Variants in MCM3AP observed in about 807,000 individuals in gnomAD.
The protein encoded by MCM3AP is germinal-center associated nuclear protein.
Under a neutral mutation model 184.1 loss-of-function variants are expected in MCM3AP, and 126 were observed. That is an observed-to-expected ratio of 0.68 (90% confidence interval 0.59 to 0.79). The LOEUF is 0.79. Among genes scored for constraint, MCM3AP ranks in the 30% least tolerant of loss-of-function variants. MCM3AP has a pLI of 0.00. For missense variants in MCM3AP, 2,496 were observed against 2,479.2 expected (o/e 1.01, Z -0.14); for synonymous variants, 1,002 against 979.3 (o/e 1.02, Z -0.43).
chr21:46,267,200 A>T (rs2081124597), intron 9 of MCM3AP, 58 bp from the exon 10 acceptor site: 3 of 1,541,590 alleles, frequency 1.9e-6, no homozygotes, highest in Non-Finnish European at 2.6e-6. Flanking sequence ...AGACACATGC[A>T]GTCAGCCCAT....
intron 17 of MCM3AP, 123 bp downstream of exon 17, chr21:46,256,666 A>G (rs904200036): frequency 1.1e-5 from 14 of 1,229,894 alleles, no homozygotes; most frequent in African/African-American, 1.5e-5. Flanking sequence ...TCCAGGCTTC[A>G]CCTATCTTCG....
chr21:46,270,614 A>C (rs769977413), intron 8 of MCM3AP, 51 bp from the exon 9 acceptor site: 1 of 1,451,654 alleles, frequency 6.9e-7, no homozygotes, highest in Non-Finnish European at 9.4e-7. Flanking sequence ...TAAATAAGAC[A>C]AAATTTTCAT....
At position 46,283,071 on chromosome 21, in the gene MCM3AP, G is replaced by A. The variant is rs370235846; in HGVS notation, c.1443+544C>T. 5.3e-5 allele frequency among the ~76,000 whole-genome samples: 8 copies of A among 151,820 alleles called. No homozygotes were observed. The East Asian group carries it at 7.9e-4, about 15-fold the overall frequency. ...CTCCCGAGTAGCTGAGATGACAGGC[G>A]CGAGCCACCACACCCAGCTAATTTT... is the stretch of plus-strand genomic sequence containing the variant. On this transcript the variant is annotated intron_variant, in intron 2 of 27. Coordinates refer to ENST00000291688, the MANE Select transcript of MCM3AP (RefSeq NM_003906.5).
At chr21:46,235,956 G>A (rs541564818) in intron 27 of MCM3AP, among the ~76,000 whole-genome samples, 3 of 152,174 alleles carry the variant, frequency 2.0e-5, no homozygotes, top group South Asian at 2.1e-4. Context: ...AAATATCATC[G>A]TCAAGGGCTG....
chr21:46,266,093 T>C lies in MCM3AP; in HGVS notation c.2863A>G (p.Thr955Ala). 1 of 1,612,436 alleles carries C rather than the reference T, an allele frequency of 6.2e-7. No homozygotes were observed. Among genetic ancestry groups the C allele is most frequent in the Non-Finnish European group, 8.5e-7 (1 of 1,179,330 alleles). Reference protein sequence around the residue: ...LSKTRKSVFITRKLTVSVGEI... With the variant: ...LSKTRKSVFIARKLTVSVGEI... ...CCGACTGACACCGTCAGCTTCCTAG[T>C]AATAAACACCGACTTCCTGGTCTTG... Residue 955 changes from threonine to alanine, a missense_variant, in exon 11 of 28, where the codon ACT becomes GCT. Thr to Ala is a moderately conservative substitution (Grantham distance 58). This residue lies in a region of MCM3AP where 138 missense variants were observed against 191.9 expected (regional missense o/e 0.72). Transcript: ENST00000291688.
At position 46,265,319 on chromosome 21, in the gene MCM3AP, A is replaced by G. The variant is rs2081095536; in HGVS notation, c.3234+2T>C. The G allele has an allele frequency of 1.2e-6, 2 of 1,613,446 alleles. No homozygotes were observed. Among genetic ancestry groups the G allele is most frequent in the East Asian group, 2.2e-5 (1 of 44,874 alleles). On this transcript the variant is annotated splice_donor_variant, in intron 12 of 27. Coordinates refer to ENST00000291688, the MANE Select transcript of MCM3AP (RefSeq NM_003906.5). LOFTEE classifies it high-confidence loss of function. ...CCAGACCTAGAAAAAAAGAGTCCCT[A>G]CCTCGTCAGAGTACATGGGCACGGG... is the stretch of plus-strand genomic sequence containing the variant.
In MCM3AP at chr21:46,261,288, T is replaced by C. The variant is rs746754962; in HGVS notation, c.3459A>G (p.Glu1153=). ...ERREQERQRA[E]EERLKQEREL... ...GGACAAGACACACTTACCTTTCCTC[T>C]TCAGCCCGCTGCCTCTCCTGCTCCC... is the stretch of plus-strand genomic sequence containing the variant. The change falls in exon 14 of 28, where the codon GAA becomes GAG. Residue 1153 remains glutamate, a synonymous_variant. Coordinates refer to ENST00000291688, the MANE Select transcript of MCM3AP (RefSeq NM_003906.5). 9 of 1,613,962 alleles carry C rather than the reference T, an allele frequency of 5.6e-6. No homozygotes were observed. In the East Asian group the frequency reaches 2.0e-4, roughly 36 times the overall value.
rs1009858790 is a variant in MCM3AP at position 46,259,152 on chromosome 21, T to C, written c.3582-61A>G. 2.0e-6 allele frequency: 3 copies of C among 1,529,898 alleles called. No homozygotes were observed. The African/African-American group carries it at 4.2e-5, about 21-fold the overall frequency. 94.8% of individuals were successfully genotyped at this position (1,529,898 alleles called of 1,614,324 possible). On this transcript the variant is annotated intron_variant, in intron 15 of 27. Coordinates refer to ENST00000291688, the MANE Select transcript of MCM3AP (RefSeq NM_003906.5). ...CTTGGGGCCCACAGACACTGAGGGC[T>C]TGCTTGAAAAGTGCAAGAGTCAGTC...
chr21:46,280,163 G>A lies in MCM3AP; in HGVS notation c.1523-26C>T, dbSNP rs2081313733. 6 of 1,612,058 alleles carry A rather than the reference G, an allele frequency of 3.7e-6. No homozygotes were observed. The South Asian group carries it at 5.5e-5, about 15-fold the overall frequency. ...CTGTGGACATAGGAGGCAGAAAAGA[G>A]TTTATGCAATCACAGATCACCTGGA... is the stretch of plus-strand genomic sequence containing the variant. On this transcript the variant is annotated intron_variant, in intron 3 of 27. Coordinates refer to ENST00000291688, the MANE Select transcript of MCM3AP (RefSeq NM_003906.5).
At position 46,256,862 on chromosome 21, in the gene MCM3AP, T is replaced by C. The variant is rs748162438; in HGVS notation, c.3859A>G (p.Ile1287Val). Reference sequence around the variant, plus strand: ...CCCCTGGCCAGGTTCTCTTCAGCAATGGGGCACTCTGCGCTGGGCGCCAGC... The same window carrying C: ...CCCCTGGCCAGGTTCTCTTCAGCAACGGGGCACTCTGCGCTGGGCGCCAGC... ...RALAPSAECP[I>V]AEENLARGLL... Residue 1287 changes from isoleucine (I) to valine (V), a missense_variant, in exon 17 of 28, where the codon ATT becomes GTT. By Grantham distance (29) the Ile-to-Val change is conservative (BLOSUM62 3). Coordinates refer to ENST00000291688, the MANE Select transcript of MCM3AP (RefSeq NM_003906.5). 6.3e-6 allele frequency: 10 copies of C among 1,584,630 alleles called. No homozygotes were observed. The highest frequency in any genetic ancestry group is 1.1e-5 in the South Asian group (1 of 87,170).
Position 46,267,118 on chromosome 21 carries a change from G to A in MCM3AP, c.2653C>T (p.Leu885Phe), listed in dbSNP as rs201315959. ...SQIRKDALRA[L>F]NFAYTVSTQR... ...GTGCTCACCGTGTACGCAAAGTTGA[G>A]CGCCCGGAGAGCATCCTTGCGGATC... Residue 885 changes from leucine to phenylalanine, a missense_variant, in exon 10 of 28, where the codon CTC becomes TTC. Coordinates refer to ENST00000291688, the MANE Select transcript of MCM3AP (RefSeq NM_003906.5). 3.4e-5 allele frequency: 55 copies of A among 1,613,960 alleles called. No homozygotes were observed. In the East Asian group the frequency reaches 1.2e-3, roughly 35 times the overall value.
intron 9 of MCM3AP, chr21:46,270,190 T>C (rs2081162190): frequency 1.2e-5 from 5 of 434,198 alleles, no homozygotes; most frequent in Non-Finnish European, 1.2e-5. Context: ...TGGAACAGTA[T>C]TTTCCATTGC....
chr21:46,281,113 T>A (rs1461762828), intron 2 of MCM3AP, among the ~76,000 whole-genome samples: 1 of 152,172 alleles, frequency 6.6e-6, no homozygotes, highest in Non-Finnish European at 1.5e-5. Flanking sequence ...GCCCCTTTTT[T>A]TTAATTAACA....
intron 19 of MCM3AP, chr21:46,252,458 G>T (rs2145639063): frequency 6.6e-6 from 1 of 150,988 alleles, no homozygotes. Context: ...GGGAGGCCAA[G>T]GCAGGTGGAT....
rs776462927 is a variant in MCM3AP, at chr21:46,265,337, G to A, written c.3218C>T (p.Pro1073Leu). ...QPEPPPPEPVPMYSDEDLAQV... is the reference protein window; with the variant it reads ...QPEPPPPEPVLMYSDEDLAQV... ...AGTCCCTACCTCGTCAGAGTACATG[G>A]GCACGGGCTCTGGAGGCGGTGGTTC... The change falls in exon 12 of 28, where the codon CCC becomes CTC. Residue 1073 changes from proline to leucine, a missense_variant. Coordinates refer to ENST00000291688, the MANE Select transcript of MCM3AP (RefSeq NM_003906.5). The A allele has an allele frequency of 1.9e-6, 3 of 1,613,880 alleles. No individual in the cohort carries two copies. The highest frequency in any genetic ancestry group is 2.5e-6 in the Non-Finnish European group (3 of 1,179,972).
At chr21:46,266,283 A>G in intron 10 of MCM3AP, 117 bp from the exon 11 acceptor site, 1 of 1,165,372 alleles carries the variant, frequency 8.6e-7, no homozygotes, top group East Asian at 2.5e-5. Context: ...ATGTGTAAAT[A>G]ACAGAAAGCA....
chr21:46,254,121 CTCTT>C (rs2080912556), intron 19 of MCM3AP: 1 of 463,614 alleles, frequency 2.2e-6, no homozygotes, highest in Non-Finnish European at 3.9e-6. Context: ...CCAATTAAAC[CTCTT>C]TATAAAGTAC....
In MCM3AP at chr21:46,261,305, C is replaced by T. The variant is rs1174517045; in HGVS notation, c.3442G>A (p.Glu1148Lys). The stretch of plus-strand genomic sequence containing the variant: ...CTTTCCTCTTCAGCCCGCTGCCTCT[C>T]CTGCTCCCTTCGCTCTCTTTCCTTA... ...VSKERERREQ[E>K]RQRAEEERLK... Residue 1148 changes from glutamate to lysine, a missense_variant, in exon 14 of 28, where the codon GAG becomes AAG. This residue lies in a region of MCM3AP where 1,323 missense variants were observed against 1,273.4 expected (regional missense o/e 1.04). Coordinates refer to ENST00000291688, the MANE Select transcript of MCM3AP (RefSeq NM_003906.5). 1.2e-6 allele frequency: 2 copies of T among 1,614,070 alleles called. No individual in the cohort carries two copies. The highest frequency in any genetic ancestry group is 2.7e-5 in the African/African-American group (2 of 74,946).
At chr21:46,252,598 A>T (rs1227715469) in intron 19 of MCM3AP, 1 of 152,164 alleles carries the variant, frequency 6.6e-6, no homozygotes, top group Non-Finnish European at 1.5e-5. Context: ...CTGAGGCAGG[A>T]AAATTGCTTG....
Sources: gnomAD v4.1 joint callset for allele counts (sites outside exome capture counted in the v4.1 genomes callset) on GRCh38, gnomAD v4.1.1 for gene constraint, gnomAD v4.1.1 regional missense constraint, MANE v1.5 for transcripts, NCBI Gene and HGNC (gene_info 2026-07-23, HGNC 2026-07-21) for gene names.